HSP90AA1: variants seen among roughly 807,000 people sequenced by gnomAD.
The protein encoded by HSP90AA1 is heat shock protein 90 alpha family class A member 1, also known as heat shock protein HSP 90-alpha.
In HSP90AA1, 18 loss-of-function variants were observed where a neutral mutation model predicts 73.3. The observed-to-expected ratio is 0.25, with a 90% CI of 0.17 to 0.36. HSP90AA1 has a LOEUF of 0.36. HSP90AA1 is among the 10% of genes least tolerant of loss of function. HSP90AA1 has a pLI of 1.00. For missense variants in HSP90AA1, 704 were observed against 874.2 expected, an observed-to-expected ratio of 0.81 and a Z score of 2.45; for synonymous variants, 477 against 296.9, an observed-to-expected ratio of 1.61 and a Z score of -6.24.
rs1232035898 is a variant in HSP90AA1, at chr14:102,082,225, C to T, written c.1975G>A (p.Val659Met). ...TAAAGCAAGATGACCAGATCCTTCA[C>T]AGACTTGTCGTTCTTATCAGCCTCT... ...KAEADKNDKS[V>M]KDLVILLYET... The change falls in exon 10 of 11, where the codon GTG becomes ATG. Residue 659 changes from valine to methionine, a missense_variant. Coordinates refer to ENST00000216281, the MANE Select transcript of HSP90AA1 (RefSeq NM_005348.4). 1 of 1,613,894 alleles carries T rather than the reference C, an allele frequency of 6.2e-7. No individual in the cohort carries two copies. Among genetic ancestry groups the T allele is most frequent in the East Asian group, 2.2e-5 (1 of 44,886 alleles).
intron 5 of HSP90AA1, 40 bp from the exon 6 acceptor site, chr14:102,084,604 C>A (rs148861509): frequency 6.2e-6 from 10 of 1,614,110 alleles, no homozygotes; most frequent in Middle Eastern, 3.3e-4. Context: ...ATGAACAATG[C>A]ATTATAGAAG....
intron 1 of HSP90AA1, among the ~76,000 whole-genome samples, chr14:102,106,534 CTAATTTT>C (rs1356903676): frequency 2.4e-5 from 3 of 125,466 alleles, no homozygotes; most frequent in African/African-American, 8.8e-5. Flanking sequence ...CCCTGTTGAG[CTAATTTT>C]TTTTTTTTTT....
intron 1 of HSP90AA1, 123 bp from the exon 2 acceptor site, chr14:102,086,501 G>T (rs1300421967): frequency 2.8e-6 from 3 of 1,067,078 alleles, no homozygotes; most frequent in South Asian, 1.3e-5. Flanking sequence ...TAAGTAAACC[G>T]AAAATAGAAG....
intron 1 of HSP90AA1, among the ~76,000 whole-genome samples, chr14:102,113,506 G>A (rs770439489): frequency 1.3e-5 from 2 of 151,706 alleles, no homozygotes; most frequent in African/African-American, 2.4e-5. Flanking sequence ...TCAGCCTCCC[G>A]AGTAGCTGGG....
At chr14:102,087,072 A>G, upstream of HSP90AA1, 1 of 983,014 alleles carries the variant, frequency 1.0e-6, no homozygotes, top group Non-Finnish European at 1.2e-6. Flanking sequence ...CCTGCCTTAT[A>G]TAGCGACGGG....
At chr14:102,106,537 ATTTTTTTTTTTTTT>A (rs10562409) in intron 1 of HSP90AA1, among the ~76,000 whole-genome samples, 2 of 79,814 alleles carry the variant, frequency 2.5e-5, no homozygotes, top group African/African-American at 9.7e-5. Flanking sequence ...TGTTGAGCTA[ATTTTTTTTTTTTTT>A]TTTTTTTTTT....
In HSP90AA1 at chr14:102,086,025, T is replaced by A; in HGVS notation, c.262A>T (p.Thr88Ser). The A allele has an allele frequency of 6.2e-7, 1 of 1,613,906 alleles. No homozygotes were observed. Among genetic ancestry groups the A allele is most frequent in the Admixed American group, 1.7e-5 (1 of 60,006 alleles). Residue 88 changes from threonine (T) to serine (S), a missense_variant, in exon 3 of 11, where the codon ACT (threonine) becomes TCT (serine). By Grantham distance (58) the Thr-to-Ser change is moderately conservative (BLOSUM62 1). Transcript: ENST00000216281. ...ATTCCAGTATCCACAATAGTGAGAG[T>A]TCGATCTTGTTTGTTCGGTATAAGG... ...INLIPNKQDR[T>S]LTIVDTGIGM...
At chr14:102,089,879 C>T (rs183621452), upstream of HSP90AA1, among the ~76,000 whole-genome samples, 8 of 152,330 alleles carry the variant, frequency 5.3e-5, no homozygotes, top group East Asian at 1.5e-3. Context: ...CAACCGTCAG[C>T]TCACCTGGAA....
Position 102,084,038 on chromosome 14 carries a change from T to C in HSP90AA1, c.1148-55A>G, listed in dbSNP as rs1016401199. 34 of 1,292,106 alleles carry C rather than the reference T, an allele frequency of 2.6e-5. No homozygotes were observed. In the East Asian group the frequency reaches 6.2e-4, roughly 24 times the overall value. 80.0% of individuals were successfully genotyped at this position (1,292,106 alleles called of 1,614,324 possible). ...GTCATTCCAAGGACAAAACTGGTAC[T>C]ATGTAAACTCCCAAAATCAAAGATA... is the stretch of plus-strand genomic sequence containing the variant. On this transcript the variant is annotated intron_variant, in intron 6 of 10. Transcript: ENST00000216281.
chr14:102,087,536 G>A (rs1595661325), upstream of HSP90AA1, among the ~76,000 whole-genome samples: 1 of 151,990 alleles, frequency 6.6e-6, no homozygotes, highest in East Asian at 1.9e-4. Flanking sequence ...CGGGTCTCAC[G>A]CGCCCGGGAG....
intron 1 of HSP90AA1, among the ~76,000 whole-genome samples, chr14:102,134,302 G>A (rs1022820797): frequency 1.3e-4 from 18 of 134,574 alleles, no homozygotes; most frequent in East Asian, 6.6e-4. Context: ...AAACCTGGGC[G>A]ACAGAGCAAG....
At chr14:102,084,597 A>C (rs1205262115) in intron 5 of HSP90AA1, 33 bp from the exon 6 acceptor site, 2 of 1,614,198 alleles carry the variant, frequency 1.2e-6, no homozygotes, top group Non-Finnish European at 1.7e-6. Flanking sequence ...AGTACCAATG[A>C]ACAATGCATT....
intron 1 of HSP90AA1, among the ~76,000 whole-genome samples, chr14:102,134,926 T>C (rs1178995091): frequency 6.6e-6 from 1 of 152,196 alleles, no homozygotes; most frequent in Non-Finnish European, 1.5e-5. Context: ...GCCTGTTTTG[T>C]CAGGCCGCTG....
At chr14:102,116,235 G>T (rs1474020633) in intron 1 of HSP90AA1, among the ~76,000 whole-genome samples, 1 of 151,686 alleles carries the variant, frequency 6.6e-6, no homozygotes, top group Non-Finnish European at 1.5e-5. Flanking sequence ...TTAGAGGCAT[G>T]AGCCACTGTG....
intron 6 of HSP90AA1, 133 bp from the exon 7 acceptor site, chr14:102,084,116 C>A: frequency 1.2e-6 from 1 of 818,772 alleles, no homozygotes; most frequent in Non-Finnish European, 2.0e-6. Context: ...GTTGCCCAGG[C>A]TGGAGGGCAG....
chr14:102,090,790 T>C (rs1207268108), upstream of HSP90AA1, among the ~76,000 whole-genome samples: 1 of 152,210 alleles, frequency 6.6e-6, no homozygotes, highest in East Asian at 1.9e-4. Context: ...GCCTTGCAGA[T>C]TTAGCATCCT....
upstream of HSP90AA1, among the ~76,000 whole-genome samples, chr14:102,089,147 G>A (rs1032426185): frequency 1.3e-5 from 2 of 152,026 alleles, 1 homozygote; most frequent in East Asian, 3.9e-4. Context: ...TCTCGAACCC[G>A]TGACCTCAGG....
intron 1 of HSP90AA1, among the ~76,000 whole-genome samples, chr14:102,110,502 C>T (rs925721294): frequency 3.3e-5 from 5 of 151,792 alleles, no homozygotes; most frequent in Admixed American, 6.6e-5. Flanking sequence ...TCACTGCAAC[C>T]TCTGCCTCCC....
At chr14:102,086,488 G>A (rs916377926) in intron 1 of HSP90AA1, 110 bp from the exon 2 acceptor site, 17 of 1,290,960 alleles carry the variant, frequency 1.3e-5, no homozygotes, top group African/African-American at 5.8e-5. Flanking sequence ...GATTTGCGAA[G>A]TTTAAGTAAA....
Sources: allele counts gnomAD v4.1 joint callset (sites outside exome capture counted in the v4.1 genomes callset), GRCh38; gene constraint gnomAD v4.1.1; transcripts MANE v1.5; gene names NCBI Gene and HGNC (gene_info 2026-07-23, HGNC 2026-07-21).